The following CACNA2D3 variants were observed in gnomAD, a reference collection of about 807,000 sequenced individuals.
CACNA2D3 encodes the protein calcium voltage-gated channel auxiliary subunit alpha2delta 3.
Under a neutral mutation model 160.6 loss-of-function variants are expected in CACNA2D3, and 60 were observed. The ratio of observed to expected loss-of-function variants is 0.37; its 90% CI spans 0.30 to 0.46. CACNA2D3 has a LOEUF of 0.46. Among genes scored for constraint, CACNA2D3 ranks in the 20% least tolerant of loss-of-function variants. The probability of loss-of-function intolerance (pLI) is 1.00; values close to 1 mark genes in which losing one functional copy is unlikely to be tolerated. For synonymous variants in CACNA2D3, 558 were observed against 492.9 expected, an observed-to-expected ratio of 1.13 and a Z score of -1.75; for missense variants, 1,205 against 1,365.0, an observed-to-expected ratio of 0.88 and a Z score of 1.85.
intron 31 of CACNA2D3, 45 bp downstream of exon 31, chr3:54,987,798 A>G (rs1345923339): frequency 8.4e-6 from 12 of 1,430,904 alleles, no homozygotes; most frequent in African/African-American, 4.3e-5. Flanking sequence ...AAGTTTTCCT[A>G]AATAAAATAA....
At chr3:54,266,607 C>G (rs1338308125) in intron 2 of CACNA2D3, among the ~76,000 whole-genome samples, 2 of 152,156 alleles carry the variant, frequency 1.3e-5, no homozygotes, top group Non-Finnish European at 2.9e-5. Flanking sequence ...TTCATATTTG[C>G]TGATGAGTGA....
chr3:55,000,362 T>A (rs1702954050), intron 31 of CACNA2D3, among the ~76,000 whole-genome samples: 1 of 152,066 alleles, frequency 6.6e-6, no homozygotes, highest in Non-Finnish European at 1.5e-5. Context: ...TGTAACCTCG[T>A]CAATGGCAAT....
intron 5 of CACNA2D3, among the ~76,000 whole-genome samples, chr3:54,530,092 G>T (rs1701784333): frequency 6.6e-6 from 1 of 152,192 alleles, no homozygotes; most frequent in Admixed American, 6.5e-5. Flanking sequence ...TGGGGGATGT[G>T]AACATCTTAG....
At chr3:54,857,042 A>G (rs1699186933) in intron 17 of CACNA2D3, among the ~76,000 whole-genome samples, 1 of 152,124 alleles carries the variant, frequency 6.6e-6, no homozygotes, top group Non-Finnish European at 1.5e-5. Context: ...TGGCCTCCCA[A>G]AGTGCTAGGA....
intron 2 of CACNA2D3, among the ~76,000 whole-genome samples, chr3:54,234,186 G>A (rs986006600): frequency 2.6e-5 from 4 of 151,996 alleles, no homozygotes; most frequent in African/African-American, 7.2e-5. Flanking sequence ...TTAAAAAGTG[G>A]CGTGAACAGA....
rs1032449059 is a variant in CACNA2D3 at position 54,891,228 on chromosome 3, T to C, written c.2151-127T>C. 3.5e-5 allele frequency: 22 copies of C among 632,860 alleles called. No individual in the cohort carries two copies. In the African/African-American group the frequency reaches 3.8e-4, roughly 11 times the overall value. The allele number at this position is 632,860 out of a possible 1,614,324, so 39.2% of individuals were successfully genotyped here. ...GTGTGTGTGTGTGTGTGTGTTTCTG[T>C]ATCTTCTTTTAAAGTTTAAGTTTCA... On this transcript the variant is annotated intron_variant, in intron 24 of 37. Coordinates refer to ENST00000474759, the MANE Select transcript of CACNA2D3 (RefSeq NM_018398.3).
At chr3:54,445,592 A>C (rs1404775882) in intron 4 of CACNA2D3, among the ~76,000 whole-genome samples, 1 of 151,502 alleles carries the variant, frequency 6.6e-6, no homozygotes, top group Non-Finnish European at 1.5e-5. Flanking sequence ...ACACACACTC[A>C]TGTGAAGAAG....
intron 25 of CACNA2D3, 114 bp downstream of exon 25, chr3:54,891,564 C>A: frequency 1.3e-6 from 1 of 798,662 alleles, no homozygotes; most frequent in Non-Finnish European, 2.0e-6. Context: ...ATTTAGGCCA[C>A]CCCAGGCCTA....
intron 3 of CACNA2D3, among the ~76,000 whole-genome samples, chr3:54,368,693 C>A (rs202079685): frequency 2.8e-5 from 2 of 71,534 alleles, no homozygotes; most frequent in African/African-American, 4.6e-5. Context: ...GGGTAGGGTT[C>A]TTTTTTTTTT....
At chr3:54,641,109 A>C (rs1699509284) in intron 10 of CACNA2D3, among the ~76,000 whole-genome samples, 1 of 151,962 alleles carries the variant, frequency 6.6e-6, no homozygotes. Context: ...AATATGAATG[A>C]CTGTGTCCTG....
intron 4 of CACNA2D3, among the ~76,000 whole-genome samples, chr3:54,427,252 A>G (rs2106764329): frequency 6.6e-6 from 1 of 152,274 alleles, no homozygotes; most frequent in East Asian, 1.9e-4. Context: ...ATTTTTCATA[A>G]AACACAATTT....
chr3:54,339,013 A>T (rs960709522), intron 3 of CACNA2D3, among the ~76,000 whole-genome samples: 4 of 152,188 alleles, frequency 2.6e-5, no homozygotes, highest in Non-Finnish European at 4.4e-5. Context: ...TATACATCAA[A>T]GCAACCGGTA....
At chr3:54,903,056 T>A (rs549448655) in intron 27 of CACNA2D3, among the ~76,000 whole-genome samples, 68 of 152,338 alleles carry the variant, frequency 4.5e-4, no homozygotes, top group African/African-American at 1.4e-3. Context: ...AATTTTTTTT[T>A]ATTTAACTTT....
chr3:54,187,208 A>G (rs1482534504), intron 2 of CACNA2D3, among the ~76,000 whole-genome samples: 5 of 152,226 alleles, frequency 3.3e-5, no homozygotes, highest in Admixed American at 6.5e-5. Flanking sequence ...TTCAGCCTCC[A>G]GATGACTGTA....
At chr3:54,986,799 T>C (rs144613847) in intron 30 of CACNA2D3, among the ~76,000 whole-genome samples, 6,668 of 139,820 alleles carry the variant, frequency 0.048, 193 homozygotes, top group Non-Finnish European at 0.065. Context: ...GCTTCTCTTC[T>C]GGTCAACACT....
intron 13 of CACNA2D3, chr3:54,789,883 A>T (rs368409751): frequency 2.3e-5 from 12 of 517,142 alleles, no homozygotes; most frequent in Non-Finnish European, 4.2e-5. Context: ...AGTTAAGGTG[A>T]CACAGGCTGT....
chr3:54,599,244 T>G (rs1703018900), intron 9 of CACNA2D3, among the ~76,000 whole-genome samples: 1 of 152,164 alleles, frequency 6.6e-6, no homozygotes. Flanking sequence ...CATCACATAC[T>G]CTGAGGGAGA....
chr3:54,703,901 G>C (rs1345641234), intron 11 of CACNA2D3, among the ~76,000 whole-genome samples: 1 of 152,204 alleles, frequency 6.6e-6, no homozygotes, highest in East Asian at 1.9e-4. Flanking sequence ...AAGGAATCTT[G>C]AGGTGACTTA....
intron 2 of CACNA2D3, among the ~76,000 whole-genome samples, chr3:54,236,938 G>A (rs866156372): frequency 1.3e-5 from 2 of 151,970 alleles, no homozygotes; most frequent in Middle Eastern, 3.4e-3. Flanking sequence ...TATCTGTAGC[G>A]CACTCAGCAC....
Sources: gnomAD v4.1 joint callset for allele counts (sites outside exome capture counted in the v4.1 genomes callset) on GRCh38, gnomAD v4.1.1 for gene constraint, MANE v1.5 for transcripts, NCBI Gene and HGNC (gene_info 2026-07-23, HGNC 2026-07-21) for gene names.